CLYBL: variants seen among roughly 807,000 people sequenced by gnomAD.
The protein encoded by CLYBL is citramalyl-CoA lyase, mitochondrial.
In CLYBL, 31 loss-of-function variants were observed where a neutral mutation model predicts 38.9. That is an observed-to-expected ratio of 0.80 (90% CI 0.60 to 1.08). The LOEUF is 1.08. Among genes scored for constraint, CLYBL ranks in the 50% least tolerant of loss-of-function variants. The pLI is 0.00. For synonymous variants in CLYBL, 171 were observed against 158.6 expected (o/e 1.08, Z -0.59); for missense variants, 434 against 411.6 (o/e 1.05, Z -0.47).
chr13:99,761,437 T>C (rs1594165496), intron 1 of CLYBL, among the ~76,000 whole-genome samples: 1 of 152,258 alleles, frequency 6.6e-6, no homozygotes, highest in Non-Finnish European at 1.5e-5. Flanking sequence ...TATTTGTCTT[T>C]CAGTGCTTGG....
At chr13:99,885,381 G>A (rs1254285802) in intron 7 of CLYBL, among the ~76,000 whole-genome samples, 3 of 152,150 alleles carry the variant, frequency 2.0e-5, no homozygotes, top group African/African-American at 7.2e-5. Context: ...TGTGTGTTGG[G>A]GTACAGGCCT....
intron 1 of CLYBL, among the ~76,000 whole-genome samples, chr13:99,762,668 A>C (rs1231818236): frequency 6.6e-6 from 1 of 152,242 alleles, no homozygotes; most frequent in Admixed American, 6.5e-5. Flanking sequence ...TTGTGGTTCC[A>C]TATAAATTTT....
chr13:99,893,670 A>ACAGGCAGC (rs1414784359), downstream of CLYBL: 1 of 153,196 alleles, frequency 6.5e-6, no homozygotes, highest in South Asian at 2.1e-4. Flanking sequence ...CCCCAGCCCC[A>ACAGGCAGC]CAGGCAGCCA....
chr13:99,806,716 A>G (rs2050238555), intron 2 of CLYBL, among the ~76,000 whole-genome samples: 1 of 152,234 alleles, frequency 6.6e-6, no homozygotes, highest in African/African-American at 2.4e-5. Context: ...TAAAGATTAG[A>G]TATCTTCACT....
At chr13:99,781,771 G>C (rs528018498) in intron 2 of CLYBL, among the ~76,000 whole-genome samples, 12 of 152,244 alleles carry the variant, frequency 7.9e-5, no homozygotes, top group Non-Finnish European at 1.5e-4. Flanking sequence ...ATCTACCATG[G>C]CTGGCCAGTT....
chr13:99,719,250 T>G (rs2048361432), intron 1 of CLYBL, among the ~76,000 whole-genome samples: 1 of 151,082 alleles, frequency 6.6e-6, no homozygotes, highest in Admixed American at 6.6e-5. Context: ...GCTCACATGA[T>G]CTCCCTGCCT....
rs573819384 is a variant in CLYBL at position 99,764,317 on chromosome 13, A to G, written c.63-8507A>G. On this transcript the variant is annotated intron_variant, in intron 1 of 8. Transcript: ENST00000339105. ...TTTTTGAAGAATTTGCGTAAAATTG[A>G]TATTTGTTATTTAAATGTTTGGTAG... 5.9e-5 allele frequency among the ~76,000 whole-genome samples: 9 copies of G among 151,872 alleles called. No homozygotes were observed. In the East Asian group the frequency reaches 1.7e-3, roughly 30 times the overall value.
At chr13:99,887,114 G>A (rs1054857583) in intron 7 of CLYBL, among the ~76,000 whole-genome samples, 4 of 152,186 alleles carry the variant, frequency 2.6e-5, no homozygotes, top group African/African-American at 9.7e-5. Flanking sequence ...CTACCTGGGG[G>A]AGCTAAAACA....
At chr13:99,744,056 T>C (rs1440384443) in intron 1 of CLYBL, among the ~76,000 whole-genome samples, 2 of 138,470 alleles carry the variant, frequency 1.4e-5, no homozygotes, top group Non-Finnish European at 3.0e-5. Flanking sequence ...CACTGCAAGC[T>C]CCGCCTCCCG....
chr13:99,617,923 C>G (rs34363176), intron 1 of CLYBL, among the ~76,000 whole-genome samples: 26,562 of 152,174 alleles, frequency 0.17, 2,966 homozygotes, highest in Middle Eastern at 0.25. Context: ...CTTGACCACC[C>G]TGTACAACAT....
chr13:99,678,602 A>G (rs1042989781), intron 1 of CLYBL, among the ~76,000 whole-genome samples: 1 of 152,246 alleles, frequency 6.6e-6, no homozygotes, highest in Non-Finnish European at 1.5e-5. Flanking sequence ...ATTAACACCA[A>G]TTAAAAGATG....
At chr13:99,710,362 A>G (rs1245359886) in intron 1 of CLYBL, among the ~76,000 whole-genome samples, 2 of 152,164 alleles carry the variant, frequency 1.3e-5, no homozygotes, top group Non-Finnish European at 2.9e-5. Flanking sequence ...GGGGCCGCAC[A>G]TGGCATTTGT....
At chr13:99,888,276 G>A (rs7317678) in intron 7 of CLYBL, among the ~76,000 whole-genome samples, 20 of 151,302 alleles carry the variant, frequency 1.3e-4, no homozygotes, top group Non-Finnish European at 2.2e-4. Context: ...TATGTTTTAT[G>A]TTTTTGCCAC....
intron 2 of CLYBL, among the ~76,000 whole-genome samples, chr13:99,812,344 T>A (rs2050359092): frequency 6.6e-6 from 1 of 152,220 alleles, no homozygotes; most frequent in African/African-American, 2.4e-5. Flanking sequence ...CCCTTTGCAC[T>A]ATAAATATTT....
At chr13:99,620,857 GAA>G (rs1350080288) in intron 1 of CLYBL, among the ~76,000 whole-genome samples, 1 of 151,998 alleles carries the variant, frequency 6.6e-6, no homozygotes, top group Non-Finnish European at 1.5e-5. Flanking sequence ...AAAGAAAAAA[GAA>G]AGAAAATGTC....
At chr13:99,711,012 T>G (rs1378986251) in intron 1 of CLYBL, among the ~76,000 whole-genome samples, 1 of 150,334 alleles carries the variant, frequency 6.7e-6, no homozygotes, top group Admixed American at 6.7e-5. Context: ...CTCAGCCTCC[T>G]GAGTAGCTGG....
At chr13:99,618,991 A>G (rs574908037) in intron 1 of CLYBL, among the ~76,000 whole-genome samples, 3 of 152,084 alleles carry the variant, frequency 2.0e-5, no homozygotes, top group South Asian at 2.1e-4. Context: ...CCTTTTGGCT[A>G]TTGTTAGTGC....
chr13:99,649,849 A>G (rs2047225105), intron 1 of CLYBL, among the ~76,000 whole-genome samples: 1 of 152,066 alleles, frequency 6.6e-6, no homozygotes, highest in African/African-American at 2.4e-5. Flanking sequence ...CCTGGGCAAC[A>G]GAGCAACACT....
intron 1 of CLYBL, among the ~76,000 whole-genome samples, chr13:99,660,487 T>A (rs2047393627): frequency 6.6e-6 from 1 of 152,196 alleles, no homozygotes; most frequent in East Asian, 1.9e-4. Flanking sequence ...TTGTGTTCAA[T>A]GCAGGGATGC....
Sources: allele counts gnomAD v4.1 joint callset (sites outside exome capture counted in the v4.1 genomes callset), GRCh38; gene constraint gnomAD v4.1.1; transcripts MANE v1.5; gene names NCBI Gene and HGNC (gene_info 2026-07-23, HGNC 2026-07-21).